The following SNRNP200 variants were observed in gnomAD, a reference collection of about 807,000 sequenced individuals.
SNRNP200 encodes small nuclear ribonucleoprotein U5 subunit 200, also known as U5 small nuclear ribonucleoprotein 200 kDa helicase.
In SNRNP200, 66 loss-of-function variants were observed where a neutral mutation model predicts 255.2. The observed-to-expected ratio is 0.26, with a 90% CI of 0.21 to 0.32. The LOEUF is 0.32. SNRNP200 is among the 10% of genes least tolerant of loss of function. The pLI is 1.00. For missense variants in SNRNP200, 1,585 were observed against 2,749.8 expected (o/e 0.58, Z 9.47); for synonymous variants, 939 against 1,027.8 (o/e 0.91, Z 1.65).
Position 96,283,732 on chromosome 2 carries a change from A to G in SNRNP200, c.4585-19T>C, listed in dbSNP as rs1392425742. 6.2e-7 allele frequency: 1 copy of G among 1,613,900 alleles called. No homozygotes were observed. Among genetic ancestry groups the G allele is most frequent in the Non-Finnish European group, 8.5e-7 (1 of 1,180,014 alleles). ...TGAAGCCCTGGCGACCGGGGAGAAG[A>G]AAAGACACCAAGGTTATCAGACCTG... On this transcript the variant is annotated intron_variant, in intron 32 of 44. Transcript: ENST00000323853. The surrounding 1 kb of genome is among the most constrained non-coding windows in gnomAD (Gnocchi z 4.7).
At chr2:96,282,027 ACT>A in intron 34 of SNRNP200, 105 bp from the exon 35 acceptor site, 1 of 818,840 alleles carries the variant, frequency 1.2e-6, no homozygotes, top group South Asian at 1.4e-5. Context: ...ATGTTTCAGA[ACT>A]CACAGCAAGG....
intron 1 of SNRNP200, 73 bp downstream of exon 1, chr2:96,305,320 A>C: frequency 6.3e-7 from 1 of 1,593,942 alleles, no homozygotes; most frequent in Non-Finnish European, 8.6e-7. Flanking sequence ...CTTCAGACTG[A>C]AACTCCCTTT....
At chr2:96,275,879 G>A (rs563433340) in intron 43 of SNRNP200, among the ~76,000 whole-genome samples, 4 of 152,382 alleles carry the variant, frequency 2.6e-5, no homozygotes, top group South Asian at 2.1e-4. Context: ...GGTGGCGGGT[G>A]CCTGTAGTCC....
Position 96,287,680 on chromosome 2 carries a change from A to C in SNRNP200, c.3366-123T>G, listed in dbSNP as rs1033465265. The C allele has an allele frequency of 5.4e-6, 5 of 930,624 alleles. No homozygotes were observed. The African/African-American group carries it at 6.5e-5, about 12-fold the overall frequency. 57.6% of individuals were successfully genotyped at this position (930,624 alleles called of 1,614,324 possible). ...ACACAGTCATTAAAGGCAGACACTG[A>C]CACTGTGCCAGCCCTGGCCTCCACC... On this transcript the variant is annotated intron_variant, in intron 25 of 44. Transcript: ENST00000323853. This position sits in a 1 kb window ranked among gnomAD's most constrained non-coding sequence, Gnocchi z 5.7.
Position 96,303,216 on chromosome 2 carries a change from C to G in SNRNP200, c.324G>C (p.Glu108Asp). The G allele has an allele frequency of 6.2e-7, 1 of 1,614,214 alleles. No individual in the cohort carries two copies. Among genetic ancestry groups the G allele is most frequent in the South Asian group, 1.1e-5 (1 of 91,078 alleles). Residue 108 changes from glutamate to aspartate, a missense_variant, in exon 3 of 45, where the codon GAG becomes GAC. Transcript: ENST00000323853. ...GTAGCACCTCATAGGTCTCCCGAGT[C>G]TCTTTAGTTTTGGGCTTGTAGATGA... ...VGIIYKPKTK[E>D]TRETYEVLLS...
At chr2:96,292,115 A>T (rs2063887934) in intron 16 of SNRNP200, among the ~76,000 whole-genome samples, 2 of 152,232 alleles carry the variant, frequency 1.3e-5, no homozygotes, top group Admixed American at 1.3e-4. Flanking sequence ...GAGCTGAGAA[A>T]TTAAACCAAC....
intron 43 of SNRNP200, 145 bp downstream of exon 43, chr2:96,276,759 A>C: frequency 1.1e-6 from 1 of 874,676 alleles, no homozygotes; most frequent in Non-Finnish European, 2.0e-6. Context: ...AAAAAACCCC[A>C]TAGCCTCAAG....
At chr2:96,304,606 C>A (rs765092759) in intron 2 of SNRNP200, 99 bp downstream of exon 2, 1 of 1,504,572 alleles carries the variant, frequency 6.6e-7, no homozygotes, top group Non-Finnish European at 9.2e-7. Flanking sequence ...TTTAATGCCA[C>A]TGATCTTACA....
In SNRNP200 at chr2:96,289,809, C is replaced by A. The variant is rs1364043189; in HGVS notation, c.2930G>T (p.Gly977Val). The A allele has an allele frequency of 6.2e-7, 1 of 1,613,950 alleles. No homozygotes were observed. Among genetic ancestry groups the A allele is most frequent in the African/African-American group, 1.3e-5 (1 of 74,900 alleles). ...NNLVKYDKKT[G>V]NFQVTELGRI... Reference sequence around the variant, plus strand: ...CCTCACCCCACGCACCTGGAAGTTGCCCGTCTTCTTGTCGTACTTGACCAG... The same window carrying A: ...CCTCACCCCACGCACCTGGAAGTTGACCGTCTTCTTGTCGTACTTGACCAG... The change falls in exon 21 of 45, where the codon GGC (glycine) becomes GTC (valine). Residue 977 changes from glycine to valine, a missense_variant. Gly to Val is a moderately radical substitution (Grantham distance 109). Transcript: ENST00000323853.
chr2:96,295,433 G>C, intron 14 of SNRNP200, 55 bp downstream of exon 14: 1 of 1,605,798 alleles, frequency 6.2e-7, no homozygotes, highest in Non-Finnish European at 8.5e-7. Context: ...TGAAAACCCA[G>C]CAAACCCGCC....
intron 14 of SNRNP200, among the ~76,000 whole-genome samples, chr2:96,294,845 A>C (rs1292986159): frequency 6.6e-6 from 1 of 152,240 alleles, no homozygotes; most frequent in Non-Finnish European, 1.5e-5. Flanking sequence ...AATATTTCAG[A>C]CATAGCTTCT....
chr2:96,284,028 G>A, intron 31 of SNRNP200, 24 bp from the exon 32 acceptor site: 2 of 762,078 alleles, frequency 2.6e-6, no homozygotes, highest in Non-Finnish European at 4.4e-6. Flanking sequence ...GGGAGGGAGG[G>A]TCACTGCAGG....
At chr2:96,282,919 G>A in intron 34 of SNRNP200, 1 of 520,324 alleles carries the variant, frequency 1.9e-6, no homozygotes, top group Non-Finnish European at 3.5e-6. Flanking sequence ...AGAATCAGCG[G>A]TCTGGTGGCC....
rs1002104697 is a variant in SNRNP200, at chr2:96,291,584, C to T, written c.2311-82G>A. On this transcript the variant is annotated intron_variant, in intron 17 of 44. Transcript: ENST00000323853. This position sits in a 1 kb window ranked among gnomAD's most constrained non-coding sequence, Gnocchi z 4.2. The stretch of plus-strand genomic sequence containing the variant: ...CTAAGGAAATCTCCTCCCATGAGAC[C>T]CTGCCCCTTAACTATTATGTGGAAT... The T allele has an allele frequency of 8.0e-7, 1 of 1,244,450 alleles. No individual in the cohort carries two copies. 77.1% of individuals were successfully genotyped at this position (1,244,450 alleles called of 1,614,324 possible). A position where few individuals can be genotyped will look rare whatever the true frequency, so the allele number is the denominator to read the frequency against.
At chr2:96,292,444 A>G (rs2063889871) in intron 16 of SNRNP200, among the ~76,000 whole-genome samples, 1 of 152,214 alleles carries the variant, frequency 6.6e-6, no homozygotes, top group Admixed American at 6.5e-5. Flanking sequence ...ATTTTTTGTT[A>G]GTTAACATTG....
intron 6 of SNRNP200, 75 bp downstream of exon 6, chr2:96,299,254 G>C (rs908447642): frequency 7.5e-7 from 1 of 1,329,550 alleles, no homozygotes; most frequent in Middle Eastern, 1.8e-4. Flanking sequence ...AATGTAACAG[G>C]ACCTAGGCAT....
intron 14 of SNRNP200, among the ~76,000 whole-genome samples, 146 bp downstream of exon 14, chr2:96,295,335 AGAAGATG>A (rs1187694163): frequency 6.6e-6 from 1 of 152,260 alleles, no homozygotes; most frequent in African/African-American, 2.4e-5. Context: ...GTCATCGTGG[AGAAGATG>A]GATCTCATCC....
Position 96,285,322 on chromosome 2 carries a change from T to C in SNRNP200, c.4022A>G (p.Asn1341Ser). ...CCCCACAAACACGTTGTCGTCACTG[T>C]TGTATACAGTGTTAAACACTGGAAA... ...IQTQVFNTVY[N>S]SDDNVFVGAP... The change falls in exon 30 of 45, where the codon AAC becomes AGC. Residue 1341 changes from asparagine (N) to serine (S), a missense_variant. Transcript: ENST00000323853. 1.2e-6 allele frequency: 2 copies of C among 1,614,162 alleles called. No individual in the cohort carries two copies. The highest frequency in any genetic ancestry group is 1.7e-6 in the Non-Finnish European group (2 of 1,180,036).
Position 96,303,219 on chromosome 2 carries a change from T to C in SNRNP200, c.321A>G (p.Lys107=), listed in dbSNP as rs762492415. ...GCACCTCATAGGTCTCCCGAGTCTC[T>C]TTAGTTTTGGGCTTGTAGATGATGC... ...MVGIIYKPKT[K]ETRETYEVLL... is the part of the protein sequence containing the mutation. Residue 107 remains lysine, a synonymous_variant, in exon 3 of 45, where the codon AAA becomes AAG. Transcript: ENST00000323853. The C allele has an allele frequency of 6.2e-7, 1 of 1,614,162 alleles. No homozygotes were observed. The highest frequency in any genetic ancestry group is 2.2e-5 in the East Asian group (1 of 44,884).
Sources: gnomAD v4.1 joint callset for allele counts (sites outside exome capture counted in the v4.1 genomes callset) on GRCh38, gnomAD v4.1.1 for gene constraint, Gnocchi (gnomAD v3.1) non-coding constraint, MANE v1.5 for transcripts, NCBI Gene and HGNC (gene_info 2026-07-23, HGNC 2026-07-21) for gene names.